The following NPR3 variants were observed in gnomAD, a reference collection of about 807,000 sequenced individuals.
NPR3 encodes natriuretic peptide receptor 3.
A neutral mutation model predicts 54.5 loss-of-function variants in NPR3; 34 were observed. That is an observed-to-expected ratio of 0.62 (90% confidence interval 0.47 to 0.83). NPR3 has a LOEUF of 0.83. Ranked by LOEUF, NPR3 falls within the 40% of genes least tolerant of loss-of-function variation. The pLI is 0.00. For synonymous variants in NPR3, 289 were observed against 297.1 expected, an observed-to-expected ratio of 0.97 and a Z score of 0.28; for missense variants, 674 against 720.8, an observed-to-expected ratio of 0.94 and a Z score of 0.74.
At chr5:32,745,285 G>T (rs999239076) in intron 3 of NPR3, among the ~76,000 whole-genome samples, 3 of 152,240 alleles carry the variant, frequency 2.0e-5, no homozygotes, top group Admixed American at 2.0e-4. Context: ...AAGCCCTACT[G>T]CAGAGGCTCT....
At chr5:32,785,964 C>G (rs1742594166) in intron 7 of NPR3, among the ~76,000 whole-genome samples, 1 of 152,176 alleles carries the variant, frequency 6.6e-6, no homozygotes, top group African/African-American at 2.4e-5. Flanking sequence ...ACTTCTGTAG[C>G]CTAATAGACA....
intron 5 of NPR3, 90 bp from the exon 6 acceptor site, chr5:32,782,803 G>A: frequency 4.7e-6 from 6 of 1,282,604 alleles, no homozygotes; most frequent in Non-Finnish European, 5.4e-6. Context: ...AGATCAGGCT[G>A]TACATTTTGG....
At chr5:32,712,664 C>T (rs557263045) in intron 1 of NPR3, 119 bp downstream of exon 1, 7 of 937,860 alleles carry the variant, frequency 7.5e-6, no homozygotes, top group Non-Finnish European at 1.1e-5. Context: ...GTCGGGTGCG[C>T]GCGGGCACTC....
chr5:32,713,154 C>CA, intron 1 of NPR3: 3 of 985,184 alleles, frequency 3.0e-6, no homozygotes, highest in Non-Finnish European at 3.6e-6. Context: ...TGGTTTCCAC[C>CA]AAAAATGCCC....
chr5:32,740,823 T>C (rs1387968967), intron 3 of NPR3, among the ~76,000 whole-genome samples: 2 of 152,120 alleles, frequency 1.3e-5, no homozygotes, highest in Admixed American at 6.6e-5. Flanking sequence ...GGCTACCGTA[T>C]TGGACAGCGT....
At chr5:32,704,370 T>TTG (rs57959913) in intron 1 of NPR3, among the ~76,000 whole-genome samples, 27,551 of 146,696 alleles carry the variant, frequency 0.19, 2,618 homozygotes, top group East Asian at 0.4. Flanking sequence ...TTTTGGCTCT[T>TTG]TGTGTGTGTG....
intron 3 of NPR3, among the ~76,000 whole-genome samples, chr5:32,747,426 T>C (rs553873734): frequency 6.6e-6 from 1 of 152,298 alleles, no homozygotes; most frequent in African/African-American, 2.4e-5. Context: ...ACCATATAAA[T>C]ATTTATAGTA....
chr5:32,767,859 A>G (rs568940572), intron 3 of NPR3, among the ~76,000 whole-genome samples: 1 of 152,340 alleles, frequency 6.6e-6, no homozygotes, highest in South Asian at 2.1e-4. Flanking sequence ...AGTTCTCAGG[A>G]CAAGTTTAAG....
intron 1 of NPR3, among the ~76,000 whole-genome samples, chr5:32,695,494 T>C (rs369449464): frequency 1.5e-4 from 23 of 152,156 alleles, no homozygotes; most frequent in African/African-American, 2.2e-4. Context: ...GATCTGGATC[T>C]CCTGACCTCG....
chr5:32,744,318 AC>A (rs1409442339), intron 3 of NPR3, among the ~76,000 whole-genome samples: 1 of 152,164 alleles, frequency 6.6e-6, no homozygotes, highest in African/African-American at 2.4e-5. Context: ...AGGCTCAGTG[AC>A]CACCACTGGA....
At position 32,789,507 on chromosome 5, in the gene NPR3, T is replaced by C. The variant is rs142111932; in HGVS notation, c.*3162T>C. On this transcript the variant is annotated 3_prime_UTR_variant, in exon 8 of 8. Transcript: ENST00000265074. ...AGACCCTACTATAATTCTTCACATT[T>C]CAGAACCCATGTTTAATGGAGGGAA... 4.7e-4 allele frequency: 251 copies of C among 534,722 alleles called. 1 individual carries two copies. The highest frequency in any genetic ancestry group is 3.5e-3 in the African/African-American group (184 of 52,066). The allele number at this position is 534,722 out of a possible 1,614,324, so 33.1% of individuals were successfully genotyped here.
chr5:32,738,580 G>T (rs1041746607), intron 2 of NPR3, among the ~76,000 whole-genome samples: 4 of 152,178 alleles, frequency 2.6e-5, no homozygotes, highest in African/African-American at 9.7e-5. Context: ...AATTTTGGGG[G>T]TGGGGCAGGG....
intron 4 of NPR3, among the ~76,000 whole-genome samples, chr5:32,776,994 G>A (rs145574716): frequency 2.5e-3 from 376 of 152,262 alleles, no homozygotes; most frequent in African/African-American, 8.7e-3. Flanking sequence ...AATGGCAAAC[G>A]TGGAGATCCT....
At chr5:32,746,397 G>T (rs1413515913) in intron 3 of NPR3, among the ~76,000 whole-genome samples, 1 of 152,150 alleles carries the variant, frequency 6.6e-6, no homozygotes, top group African/African-American at 2.4e-5. Flanking sequence ...TATTGAATTA[G>T]ACCATGGCTT....
Position 32,786,519 on chromosome 5 carries a change from G to A in NPR3, c.*174G>A. 1.7e-6 allele frequency: 1 copy of A among 605,662 alleles called. No homozygotes were observed. The allele number at this position is 605,662 out of a possible 1,614,324, so 37.5% of individuals were successfully genotyped here. ...CAGGAATTATGATTAATCACCATCTGCCTCCAGGCCTTTCATCTCATGACA... is the reference window on the plus strand; with the variant it reads ...CAGGAATTATGATTAATCACCATCTACCTCCAGGCCTTTCATCTCATGACA... On this transcript the variant is annotated 3_prime_UTR_variant, in exon 8 of 8. Transcript: ENST00000265074.
chr5:32,729,008 CTG>C (rs1480309870), intron 2 of NPR3, among the ~76,000 whole-genome samples: 1 of 141,148 alleles, frequency 7.1e-6, no homozygotes, highest in Admixed American at 7.1e-5. Flanking sequence ...TATTGTGTGC[CTG>C]TGTGTTTTTT....
chr5:32,732,297 G>A (rs905303157), intron 2 of NPR3, among the ~76,000 whole-genome samples: 3 of 124,604 alleles, frequency 2.4e-5, no homozygotes, highest in African/African-American at 9.0e-5. Context: ...CAAGATCAAA[G>A]ATGGTGGCTA....
intron 3 of NPR3, among the ~76,000 whole-genome samples, chr5:32,763,623 A>C (rs1037581668): frequency 6.6e-6 from 1 of 151,910 alleles, no homozygotes; most frequent in Non-Finnish European, 1.5e-5. Flanking sequence ...CTCTTTGGCC[A>C]TCTTTTTGAA....
chr5:32,759,368 T>G (rs2112007663), intron 3 of NPR3, among the ~76,000 whole-genome samples: 1 of 152,342 alleles, frequency 6.6e-6, no homozygotes, highest in South Asian at 2.1e-4. Flanking sequence ...ATGGCCTTTT[T>G]TTTCTCTTTT....
Sources: gnomAD v4.1 joint callset for allele counts (sites outside exome capture counted in the v4.1 genomes callset) on GRCh38, gnomAD v4.1.1 for gene constraint, MANE v1.5 for transcripts, NCBI Gene and HGNC (gene_info 2026-07-23, HGNC 2026-07-21) for gene names.